The following TOP3A variants were observed in gnomAD, a reference collection of about 807,000 sequenced individuals.
The protein encoded by TOP3A is DNA topoisomerase 3-alpha.
Under a neutral mutation model 111.3 loss-of-function variants are expected in TOP3A, and 64 were observed. The ratio of observed to expected loss-of-function variants is 0.57; its 90% confidence interval spans 0.47 to 0.71. The LOEUF is 0.71. Ranked by LOEUF, TOP3A falls within the 30% of genes least tolerant of loss-of-function variation. The pLI is 0.00. For missense variants in TOP3A, 1,104 were observed against 1,285.0 expected (o/e 0.86, Z 2.15); for synonymous variants, 484 against 485.1 (o/e 1.00, Z 0.03).
chr17:18,310,234 G>A (rs1981829580), intron 1 of TOP3A, among the ~76,000 whole-genome samples: 2 of 151,844 alleles, frequency 1.3e-5, no homozygotes, highest in African/African-American at 4.8e-5. Flanking sequence ...AGACCAGCCT[G>A]GCCAACATAG....
At chr17:18,298,552 G>A (rs1378676456) in intron 9 of TOP3A, among the ~76,000 whole-genome samples, 1 of 151,192 alleles carries the variant, frequency 6.6e-6, no homozygotes, top group East Asian at 1.9e-4. Context: ...TCTGGGAGGT[G>A]TACCCAACAG....
rs28650333 is a variant in TOP3A, at chr17:18,283,317, C to T, written c.1878-476G>A. ...CCAGGAGGCAGAGGTTGTGGTGAGC[C>T]AAGATCACGCCATTGCACCCTAGCC... is the stretch of plus-strand genomic sequence containing the variant. On this transcript the variant is annotated intron_variant, in intron 15 of 18. Transcript: ENST00000321105. Among the ~76,000 whole-genome samples, 1,085 of 151,714 alleles carry T rather than the reference C, an allele frequency of 7.2e-3. 7 individuals carry two copies. The highest frequency in any genetic ancestry group is 0.019 in the African/African-American group (798 of 41,328).
At chr17:18,296,306 G>A (rs1022659647) in intron 9 of TOP3A, among the ~76,000 whole-genome samples, 45 of 152,206 alleles carry the variant, frequency 3.0e-4, no homozygotes, top group African/African-American at 9.9e-4. Flanking sequence ...ATGCAGCTGG[G>A]CACGGTGGGT....
chr17:18,288,131 T>TTATATATATA (rs142429216), intron 13 of TOP3A, among the ~76,000 whole-genome samples: 136 of 122,698 alleles, frequency 1.1e-3, no homozygotes, highest in East Asian at 2.3e-3. Flanking sequence ...CTGTTAATAA[T>TTATATATATA]TATATATATA....
In TOP3A at chr17:18,290,668, GCTC is replaced by G; in HGVS notation, c.1483_1485del (p.Glu495del). The G allele has an allele frequency of 6.2e-7, 1 of 1,605,502 alleles. No homozygotes were observed. Among genetic ancestry groups the G allele is most frequent in the Non-Finnish European group, 8.5e-7 (1 of 1,174,668 alleles). ...GTGCTGGGCTGAAAGTGGGATCCTT[GCTC>G]ATAGACAGGGAGGATCTACAGGGAG... On this transcript the variant is annotated inframe_deletion, in exon 13 of 19. Coordinates refer to ENST00000321105, the MANE Select transcript of TOP3A (RefSeq NM_004618.5).
chr17:18,314,346 A>T (rs1982110760), intron 1 of TOP3A, among the ~76,000 whole-genome samples: 1 of 152,250 alleles, frequency 6.6e-6, no homozygotes, highest in Non-Finnish European at 1.5e-5. Flanking sequence ...AGAATCAGAC[A>T]AGTTTGGGAA....
At chr17:18,299,786 G>A (rs1182760451) in intron 8 of TOP3A, among the ~76,000 whole-genome samples, 153 bp from the exon 9 acceptor site, 4 of 152,070 alleles carry the variant, frequency 2.6e-5, no homozygotes, top group South Asian at 4.1e-4. Context: ...ACTTAATGTC[G>A]CTTGTAGCTG....
chr17:18,277,931 T>C lies in TOP3A; in HGVS notation c.2571A>G (p.Gly857=). The change falls in exon 18 of 19, where the codon GGA becomes GGG. Residue 857 remains glycine (G), a synonymous_variant. Coordinates refer to ENST00000321105, the MANE Select transcript of TOP3A (RefSeq NM_004618.5). ...LWADSPNPGA[G]GPPALAYRPL... is the part of the protein sequence containing the mutation. The stretch of plus-strand genomic sequence containing the variant: ...GTCTATATGCCAAGGCAGGAGGCCC[T>C]CCTGCTCCCGGATTGGGGCTGTCTG... The C allele has an allele frequency of 6.2e-7, 1 of 1,613,938 alleles. No homozygotes were observed. The highest frequency in any genetic ancestry group is 8.5e-7 in the Non-Finnish European group (1 of 1,180,032).
chr17:18,298,698 G>C (rs1384953900), intron 9 of TOP3A, among the ~76,000 whole-genome samples: 3 of 151,952 alleles, frequency 2.0e-5, no homozygotes, highest in African/African-American at 7.3e-5. Context: ...TTTTCATTTT[G>C]TTCTGTACTA....
At chr17:18,285,046 T>A (rs554115179) in intron 15 of TOP3A, 96 bp downstream of exon 15, 2 of 1,436,618 alleles carry the variant, frequency 1.4e-6, no homozygotes, top group Admixed American at 3.5e-5. Context: ...CCCCACACTT[T>A]GGGAGGCTGA....
At chr17:18,290,343 A>G (rs930714582) in intron 13 of TOP3A, among the ~76,000 whole-genome samples, 6 of 152,202 alleles carry the variant, frequency 3.9e-5, no homozygotes, top group African/African-American at 1.2e-4. Context: ...GTTTAAGAGC[A>G]CTGACTGTGG....
chr17:18,293,501 G>T (rs900118350), intron 10 of TOP3A, among the ~76,000 whole-genome samples: 1 of 150,410 alleles, frequency 6.6e-6, no homozygotes. Context: ...TGCTCAGGTC[G>T]GTCTTGAACT....
At position 18,299,641 on chromosome 17, in the gene TOP3A, G is replaced by A. The variant is rs372563590; in HGVS notation, c.916-8C>T. 3.7e-5 allele frequency: 60 copies of A among 1,613,530 alleles called. No homozygotes were observed. The highest frequency in any genetic ancestry group is 4.7e-5 in the Non-Finnish European group (55 of 1,179,608). ...CACAGTTGCCATGGGATCCTAGAAA[G>A]CCAGGAAAGAAAAGACCATGTTAAC... On this transcript the variant is annotated splice_polypyrimidine_tract_variant and splice_region_variant and intron_variant, in intron 8 of 18. Transcript: ENST00000321105.
At chr17:18,309,866 C>T (rs898490958) in intron 1 of TOP3A, among the ~76,000 whole-genome samples, 33 of 150,780 alleles carry the variant, frequency 2.2e-4, no homozygotes, top group East Asian at 1.7e-3. Flanking sequence ...CCTGCCACCA[C>T]GCCCGGCTAA....
chr17:18,282,808 A>G lies in TOP3A; in HGVS notation c.1911T>C (p.Asn637=). 6.2e-7 allele frequency: 1 copy of G among 1,614,226 alleles called. No individual in the cohort carries two copies. The highest frequency in any genetic ancestry group is 2.2e-5 in the East Asian group (1 of 44,886). The part of the protein sequence containing the change: ...LDEALAQYFG[N]GTELAQQEDI... ...CTTCTTGCTGGGCCAACTCTGTCCCATTCCCAAAGTACTGGGCCAAGGCCT... is the reference window on the plus strand; with the variant it reads ...CTTCTTGCTGGGCCAACTCTGTCCCGTTCCCAAAGTACTGGGCCAAGGCCT... Residue 637 remains asparagine, a synonymous_variant, in exon 16 of 19, where the codon AAT becomes AAC. Coordinates refer to ENST00000321105, the MANE Select transcript of TOP3A (RefSeq NM_004618.5).
In TOP3A at chr17:18,277,928, C is replaced by A. The variant is rs1168051109; in HGVS notation, c.2574G>T (p.Gly858=). 6.2e-7 allele frequency: 1 copy of A among 1,613,920 alleles called. No individual in the cohort carries two copies. The highest frequency in any genetic ancestry group is 8.5e-7 in the Non-Finnish European group (1 of 1,180,036). Residue 858 remains glycine, a synonymous_variant, in exon 18 of 19, where the codon GGG becomes GGT. Coordinates refer to ENST00000321105, the MANE Select transcript of TOP3A (RefSeq NM_004618.5). ...GGGGTCTATATGCCAAGGCAGGAGG[C>A]CCTCCTGCTCCCGGATTGGGGCTGT... ...WADSPNPGAG[G]PPALAYRPLG...
At position 18,308,851 on chromosome 17, in the gene TOP3A, TGAAATATTTTA is replaced by T. The variant is rs1369115565; in HGVS notation, c.240+20_240+30del. 1.4e-6 allele frequency: 2 copies of T among 1,413,186 alleles called. No homozygotes were observed. The highest frequency in any genetic ancestry group is 1.5e-5 in the African/African-American group (1 of 68,960). The allele number at this position is 1,413,186 out of a possible 1,614,324, so 87.5% of individuals were successfully genotyped here. A position where few individuals can be genotyped will look rare whatever the true frequency, so the allele number is the denominator to read the frequency against. On this transcript the variant is annotated intron_variant, in intron 2 of 18. Coordinates refer to ENST00000321105, the MANE Select transcript of TOP3A (RefSeq NM_004618.5). ...CTGACTACTTTCTCTTGCTTATGATTGAAATATTTTAGAAATATTTTAGCACCTACCTGGCC... is the reference window on the plus strand; with the variant it reads ...CTGACTACTTTCTCTTGCTTATGATTGAAATATTTTAGCACCTACCTGGCC...
chr17:18,275,388 T>A (rs1373444492), intron 18 of TOP3A, among the ~76,000 whole-genome samples: 9 of 128,858 alleles, frequency 7.0e-5, no homozygotes, highest in Non-Finnish European at 1.3e-4. Context: ...GTCTTCGCTC[T>A]GTCACCCAGG....
Position 18,305,120 on chromosome 17 carries a change from C to T in TOP3A, c.491G>A (p.Cys164Tyr). Reference protein sequence around the residue: ...ENIGFEIIHVCKAVKPNLQVL... With the variant: ...ENIGFEIIHVYKAVKPNLQVL... ...GCAGCAGCAGCACTTACCAGCCTTA[C>T]ACACGTGGATAATCTCAAACCCGAT... The change falls in exon 5 of 19, where the codon TGT becomes TAT. Residue 164 changes from cysteine to tyrosine, a missense_variant. Transcript: ENST00000321105. 1 of 1,613,746 alleles carries T rather than the reference C, an allele frequency of 6.2e-7. No homozygotes were observed. Among genetic ancestry groups the T allele is most frequent in the Non-Finnish European group, 8.5e-7 (1 of 1,179,620 alleles).
Sources: allele counts gnomAD v4.1 joint callset (sites outside exome capture counted in the v4.1 genomes callset), GRCh38; gene constraint gnomAD v4.1.1; transcripts MANE v1.5; gene names NCBI Gene and HGNC (gene_info 2026-07-23, HGNC 2026-07-21).